Variants in CACNA2D3 observed in about 807,000 individuals in gnomAD.
CACNA2D3 encodes the protein calcium voltage-gated channel auxiliary subunit alpha2delta 3, also known as voltage-dependent calcium channel subunit alpha-2/delta-3.
CACNA2D3 carries 60 observed loss-of-function variants against 160.6 expected under a neutral mutation model. The observed-to-expected ratio is 0.37, with a 90% CI of 0.30 to 0.46. The LOEUF is 0.46. Among genes scored for constraint, CACNA2D3 ranks in the 20% least tolerant of loss-of-function variants. The pLI is 1.00. For missense variants in CACNA2D3, 1,205 were observed against 1,365.0 expected (o/e 0.88, Z 1.85); for synonymous variants, 558 against 492.9 (o/e 1.13, Z -1.75).
chr3:54,973,880 G>A (rs1702328032), intron 29 of CACNA2D3, among the ~76,000 whole-genome samples: 1 of 152,220 alleles, frequency 6.6e-6, no homozygotes, highest in Non-Finnish European at 1.5e-5. Context: ...ATTGGATCAT[G>A]AGACCTGGAG....
chr3:55,030,527 G>T (rs1703665146), intron 35 of CACNA2D3, among the ~76,000 whole-genome samples: 1 of 152,084 alleles, frequency 6.6e-6, no homozygotes, highest in African/African-American at 2.4e-5. Flanking sequence ...TTTTAAAAAG[G>T]GGAGGAAGAG....
At chr3:54,603,181 GGGCGCTGGCCGTGCAGCCC>G (rs1703095842) in intron 9 of CACNA2D3, among the ~76,000 whole-genome samples, 1 of 152,230 alleles carries the variant, frequency 6.6e-6, no homozygotes, top group African/African-American at 2.4e-5. Flanking sequence ...TGGACTCAGA[GGGCGCTGGCCGTGCAGCCC>G]GCCCGGCAGG....
chr3:54,440,403 G>A (rs938351580), intron 4 of CACNA2D3, among the ~76,000 whole-genome samples: 1 of 152,144 alleles, frequency 6.6e-6, no homozygotes, highest in Admixed American at 6.5e-5. Context: ...TCTGTAAGAT[G>A]TACTGGTTGT....
At chr3:54,842,152 C>T (rs769376835) in intron 16 of CACNA2D3, among the ~76,000 whole-genome samples, 1 of 152,194 alleles carries the variant, frequency 6.6e-6, no homozygotes, top group Non-Finnish European at 1.5e-5. Context: ...CAGAGCTGCC[C>T]TTCCTTTGTC....
At chr3:54,429,938 G>A (rs1232693679) in intron 4 of CACNA2D3, among the ~76,000 whole-genome samples, 2 of 152,138 alleles carry the variant, frequency 1.3e-5, no homozygotes, top group African/African-American at 4.8e-5. Flanking sequence ...GGAAGAAAAG[G>A]CTCTAATTCC....
intron 5 of CACNA2D3, among the ~76,000 whole-genome samples, chr3:54,557,302 A>G (rs1165072669): frequency 6.6e-6 from 1 of 152,142 alleles, no homozygotes; most frequent in East Asian, 1.9e-4. Flanking sequence ...GCAGAAGCAT[A>G]ATTTTAGAGC....
chr3:54,616,181 G>A (rs1698845757), intron 9 of CACNA2D3, among the ~76,000 whole-genome samples: 1 of 152,208 alleles, frequency 6.6e-6, no homozygotes. Context: ...GGAGTAGCCT[G>A]ACTGGGTTGT....
At chr3:54,857,813 G>A (rs761786102) in intron 17 of CACNA2D3, among the ~76,000 whole-genome samples, 22 of 152,108 alleles carry the variant, frequency 1.4e-4, no homozygotes, top group African/African-American at 3.9e-4. Context: ...ACACCATGGC[G>A]TTGAGCATGC....
At chr3:54,253,245 C>T (rs1482255144) in intron 2 of CACNA2D3, among the ~76,000 whole-genome samples, 2 of 151,868 alleles carry the variant, frequency 1.3e-5, no homozygotes, top group African/African-American at 4.8e-5. Context: ...TGTGTTCTCA[C>T]CTTGCTATAA....
At chr3:54,739,796 G>GTGTGT (rs1260011068) in intron 11 of CACNA2D3, among the ~76,000 whole-genome samples, 4 of 124,724 alleles carry the variant, frequency 3.2e-5, no homozygotes, top group African/African-American at 1.4e-4. Context: ...TGTGTGTGTG[G>GTGTGT]AATTATATAT....
intron 17 of CACNA2D3, among the ~76,000 whole-genome samples, chr3:54,858,243 T>G (rs1281048634): frequency 6.6e-6 from 1 of 152,170 alleles, no homozygotes; most frequent in Non-Finnish European, 1.5e-5. Context: ...GCTACTAGCC[T>G]CAGCTCAGGA....
intron 2 of CACNA2D3, among the ~76,000 whole-genome samples, chr3:54,188,678 T>C (rs529188173): frequency 1.3e-5 from 2 of 152,324 alleles, no homozygotes. Context: ...TAGTTTACTG[T>C]CGGCTCCTTC....
chr3:54,902,643 A>G (rs1700361024), intron 27 of CACNA2D3, among the ~76,000 whole-genome samples: 1 of 152,208 alleles, frequency 6.6e-6, no homozygotes, highest in Admixed American at 6.5e-5. Context: ...CTGTTGTGTC[A>G]GGTCCCTCAT....
chr3:54,992,297 A>G (rs1251825346), intron 31 of CACNA2D3, among the ~76,000 whole-genome samples: 1 of 152,196 alleles, frequency 6.6e-6, no homozygotes, highest in East Asian at 1.9e-4. Flanking sequence ...GATGAAAATA[A>G]TTATTCATAT....
chr3:54,219,968 C>CTTG (rs1559886299), intron 2 of CACNA2D3, among the ~76,000 whole-genome samples: 1 of 152,036 alleles, frequency 6.6e-6, no homozygotes, highest in African/African-American at 2.4e-5. Flanking sequence ...CAATGAAAAC[C>CTTG]TCAAGCCTGT....
At chr3:54,951,430 T>C (rs1701754018) in intron 27 of CACNA2D3, among the ~76,000 whole-genome samples, 1 of 152,158 alleles carries the variant, frequency 6.6e-6, no homozygotes, top group Non-Finnish European at 1.5e-5. Flanking sequence ...TCGACACCAT[T>C]AGGGACATGG....
At chr3:54,820,212 C>T (rs1283778265) in intron 14 of CACNA2D3, among the ~76,000 whole-genome samples, 2 of 152,182 alleles carry the variant, frequency 1.3e-5, no homozygotes, top group Non-Finnish European at 2.9e-5. Context: ...TCATCTGCAA[C>T]TATTTTCTCT....
intron 4 of CACNA2D3, among the ~76,000 whole-genome samples, chr3:54,412,349 A>G (rs115762232): frequency 6.6e-6 from 1 of 151,992 alleles, no homozygotes; most frequent in Non-Finnish European, 1.5e-5. Context: ...GTCTTCAAAT[A>G]TGATTGTGGA....
At chr3:54,942,387 G>C (rs1428074109) in intron 27 of CACNA2D3, among the ~76,000 whole-genome samples, 2 of 152,182 alleles carry the variant, frequency 1.3e-5, no homozygotes, top group African/African-American at 4.8e-5. Context: ...CTCCACGAGA[G>C]CATGCACACC....
Sources: gnomAD v4.1 joint callset for allele counts (sites outside exome capture counted in the v4.1 genomes callset) on GRCh38, gnomAD v4.1.1 for gene constraint, MANE v1.5 for transcripts, NCBI Gene and HGNC (gene_info 2026-07-23, HGNC 2026-07-21) for gene names.